CYP2S1: variants seen among roughly 807,000 people sequenced by gnomAD.
The protein encoded by CYP2S1 is cytochrome P450 2S1.
In CYP2S1, 32 loss-of-function variants were observed where a neutral mutation model predicts 43.5. The observed-to-expected ratio is 0.74, with a 90% CI of 0.56 to 0.99. The LOEUF is 0.99. CYP2S1 is among the 50% of genes least tolerant of loss of function. The probability of loss-of-function intolerance (pLI) is 0.00; values close to 1 mark genes in which losing one functional copy is unlikely to be tolerated. For synonymous variants in CYP2S1, 283 were observed against 302.9 expected, an observed-to-expected ratio of 0.93 and a Z score of 0.68; for missense variants, 575 against 673.9, an observed-to-expected ratio of 0.85 and a Z score of 1.62.
chr19:41,197,507 TG>T (rs933598809), intron 2 of CYP2S1, among the ~76,000 whole-genome samples: 41 of 152,178 alleles, frequency 2.7e-4, no homozygotes, highest in African/African-American at 9.9e-4. Context: ...GAGACCATCC[TG>T]GCTAACACAG....
chr19:41,201,203 C>G (rs1266900829), intron 5 of CYP2S1, 28 bp from the exon 6 acceptor site: 1 of 1,611,874 alleles, frequency 6.2e-7, no homozygotes, highest in Admixed American at 1.7e-5. Flanking sequence ...GCTGTGTTCT[C>G]TCAGCCCCTC....
At chr19:41,201,408 A>G in intron 6 of CYP2S1, 36 bp downstream of exon 6, 1 of 1,608,644 alleles carries the variant, frequency 6.2e-7, no homozygotes. Context: ...CCTTGGGAAC[A>G]GAAGTCAGGG....
chr19:41,201,025 C>A (rs2033480897), intron 5 of CYP2S1, among the ~76,000 whole-genome samples: 1 of 152,036 alleles, frequency 6.6e-6, no homozygotes, highest in South Asian at 2.1e-4. Flanking sequence ...TTGCAGTGAG[C>A]CGAGATCGTG....
chr19:41,197,381 T>G (rs1033858326), intron 2 of CYP2S1, among the ~76,000 whole-genome samples: 7 of 151,004 alleles, frequency 4.6e-5, no homozygotes, highest in Non-Finnish European at 1.0e-4. Flanking sequence ...GCCTGAAGAG[T>G]CCCCCTCAGG....
chr19:41,206,200 TCCTCCACC>T (rs1379808990), intron 8 of CYP2S1, 72 bp from the exon 9 acceptor site: 2 of 1,609,860 alleles, frequency 1.2e-6, no homozygotes, highest in African/African-American at 2.7e-5. Context: ...TACTGTTGGC[TCCTCCACC>T]TGCTGTTCCC....
At chr19:41,197,190 G>A (rs534344599) in intron 2 of CYP2S1, among the ~76,000 whole-genome samples, 5 of 152,058 alleles carry the variant, frequency 3.3e-5, no homozygotes, top group East Asian at 1.9e-4. Flanking sequence ...GCAAGACCTC[G>A]TCTCAATAAT....
chr19:41,199,009 G>C, intron 5 of CYP2S1, 121 bp downstream of exon 5: 2 of 1,193,440 alleles, frequency 1.7e-6, no homozygotes, highest in African/African-American at 3.1e-5. Context: ...GCATGTCTCT[G>C]TGAGTATGAG....
intron 2 of CYP2S1, among the ~76,000 whole-genome samples, chr19:41,195,605 G>A (rs150574366): frequency 2.0e-5 from 3 of 152,098 alleles, no homozygotes; most frequent in Non-Finnish European, 2.9e-5. Flanking sequence ...ACCTGACCCG[G>A]CATGTTTGGT....
chr19:41,194,982 G>A (rs2033393559), intron 2 of CYP2S1, among the ~76,000 whole-genome samples: 1 of 152,130 alleles, frequency 6.6e-6, no homozygotes, highest in Non-Finnish European at 1.5e-5. Flanking sequence ...TGGGCATGGT[G>A]GTGCGTACCT....
In CYP2S1 at chr19:41,206,270, T is replaced by C. The variant is rs1452146089; in HGVS notation, c.1307-10T>C. The C allele has an allele frequency of 1.9e-6, 3 of 1,609,590 alleles. No homozygotes were observed. Among genetic ancestry groups the C allele is most frequent in the Admixed American group, 1.7e-5 (1 of 59,762 alleles). Reference sequence around the variant, plus strand: ...TGACTCAGCCCTCTCTCTCTCTCTCTCCTCACCAGGGAAGCGTGTCTGCCT... The same window carrying C: ...TGACTCAGCCCTCTCTCTCTCTCTCCCCTCACCAGGGAAGCGTGTCTGCCT... On this transcript the variant is annotated splice_polypyrimidine_tract_variant and intron_variant, in intron 8 of 8. Coordinates refer to ENST00000310054, the MANE Select transcript of CYP2S1 (RefSeq NM_030622.8).
chr19:41,194,595 C>T lies in CYP2S1; in HGVS notation c.229C>T (p.Pro77Ser), dbSNP rs978954970. The T allele has an allele frequency of 6.2e-7, 1 of 1,610,880 alleles. No individual in the cohort carries two copies. The highest frequency in any genetic ancestry group is 8.5e-7 in the Non-Finnish European group (1 of 1,178,796). ...VFTIYLGPWR[P>S]VVVLVGQEAV... Reference sequence around the variant, plus strand: ...CACCATCTACCTGGGACCCTGGCGGCCTGTGGTGGTCCTGGTTGGGCAGGA... The same window carrying T: ...CACCATCTACCTGGGACCCTGGCGGTCTGTGGTGGTCCTGGTTGGGCAGGA... The change falls in exon 2 of 9, where the codon CCT becomes TCT. Residue 77 changes from proline to serine, a missense_variant. Pro to Ser is a moderately conservative substitution (Grantham distance 74). Around this residue, in one of 2 missense-constraint regions of CYP2S1, gnomAD observed 353 missense variants for 367.6 expected, o/e 0.96. Coordinates refer to ENST00000310054, the MANE Select transcript of CYP2S1 (RefSeq NM_030622.8).
chr19:41,201,504 A>C, intron 6 of CYP2S1, 132 bp downstream of exon 6: 1 of 1,305,646 alleles, frequency 7.7e-7, no homozygotes, highest in Non-Finnish European at 1.0e-6. Flanking sequence ...ATAGGAGTTT[A>C]AGACCAGCCT....
At chr19:41,202,724 G>A (rs1252266001) in intron 6 of CYP2S1, among the ~76,000 whole-genome samples, 5 of 151,840 alleles carry the variant, frequency 3.3e-5, no homozygotes, top group East Asian at 3.9e-4. Context: ...CAGGAGGTGA[G>A]ATGAAGGCTA....
chr19:41,201,987 T>A (rs893206746), intron 6 of CYP2S1, among the ~76,000 whole-genome samples: 1 of 151,968 alleles, frequency 6.6e-6, no homozygotes, highest in Non-Finnish European at 1.5e-5. Context: ...TTATTTTTAT[T>A]TTTTTTACTT....
intron 7 of CYP2S1, 138 bp from the exon 8 acceptor site, chr19:41,205,820 C>T: frequency 8.6e-7 from 1 of 1,158,026 alleles, no homozygotes; most frequent in Admixed American, 2.7e-5. Flanking sequence ...CTGCACGCCA[C>T]TCAACACTCC....
intron 6 of CYP2S1, among the ~76,000 whole-genome samples, chr19:41,201,897 A>G (rs2033494317): frequency 6.6e-6 from 1 of 152,002 alleles, no homozygotes; most frequent in Admixed American, 6.6e-5. Flanking sequence ...CGCCTTAGTG[A>G]TACATTAGGT....
At chr19:41,205,870 C>G (rs2033568802) in intron 7 of CYP2S1, 88 bp from the exon 8 acceptor site, 4 of 1,517,240 alleles carry the variant, frequency 2.6e-6, no homozygotes, top group Admixed American at 4.0e-5. Context: ...ACTAGTGTCC[C>G]TGGCACCCGA....
At chr19:41,194,324 T>C (rs757995067) in intron 1 of CYP2S1, among the ~76,000 whole-genome samples, 18 of 151,974 alleles carry the variant, frequency 1.2e-4, no homozygotes, top group South Asian at 4.2e-4. Context: ...CGACAGGAAG[T>C]TGGGGGATGC....
Position 41,194,577 on chromosome 19 carries a change from T to G in CYP2S1, c.211T>G (p.Tyr71Asp). 1 of 1,606,036 alleles carries G rather than the reference T, an allele frequency of 6.2e-7. No individual in the cohort carries two copies. The highest frequency in any genetic ancestry group is 8.5e-7 in the Non-Finnish European group (1 of 1,177,182). The change falls in exon 2 of 9, where the codon TAC (tyrosine) becomes GAC (aspartate). Residue 71 changes from tyrosine to aspartate, a missense_variant. Tyr to Asp is a radical substitution (Grantham distance 160). Coordinates refer to ENST00000310054, the MANE Select transcript of CYP2S1 (RefSeq NM_030622.8). ...GAAGTACGGACCGGTGTTCACCATC[T>G]ACCTGGGACCCTGGCGGCCTGTGGT... is the stretch of plus-strand genomic sequence containing the variant. ...SKKYGPVFTI[Y>D]LGPWRPVVVL... is the part of the protein sequence containing the mutation.
Sources: allele counts gnomAD v4.1 joint callset (sites outside exome capture counted in the v4.1 genomes callset), GRCh38; gene constraint gnomAD v4.1.1; regional missense constraint gnomAD v4.1.1; transcripts MANE v1.5; gene names NCBI Gene and HGNC (gene_info 2026-07-23, HGNC 2026-07-21).